ZFPM2: variants seen among roughly 807,000 people sequenced by gnomAD.
The protein encoded by ZFPM2 is zinc finger protein ZFPM2.
In ZFPM2, 20 loss-of-function variants were observed where a neutral mutation model predicts 98.6. The observed-to-expected ratio is 0.20, with a 90% CI of 0.14 to 0.29. The LOEUF is 0.29. Ranked by LOEUF, ZFPM2 falls within the 10% of genes least tolerant of loss-of-function variation. The pLI is 1.00. For synonymous variants in ZFPM2, 518 were observed against 502.7 expected (o/e 1.03, Z -0.41); for missense variants, 1,310 against 1,388.6 (o/e 0.94, Z 0.90).
At chr8:105,735,121 A>G (rs7836294) in intron 5 of ZFPM2, among the ~76,000 whole-genome samples, 8,402 of 147,802 alleles carry the variant, frequency 0.057, 811 homozygotes, top group African/African-American at 0.19. Context: ...AATTATATAT[A>G]TATAATGTAT....
In ZFPM2 at chr8:105,634,249, A is replaced by G; in HGVS notation, c.424A>G (p.Thr142Ala). The G allele has an allele frequency of 6.2e-7, 1 of 1,611,100 alleles. No individual in the cohort carries two copies. The highest frequency in any genetic ancestry group is 8.5e-7 in the Non-Finnish European group (1 of 1,178,560). ...KMDLNNNSLK[T>A]KAQVPMVLTA... ...TTTGTTATCATTCTTTCTACAGAAG[A>G]CAAAGGCTCAGGTCCCAATGGTGCT... The change falls in exon 5 of 8, where the codon ACA becomes GCA. Residue 142 changes from threonine to alanine, a missense_variant. By Grantham distance (58) the Thr-to-Ala change is moderately conservative (BLOSUM62 0). Transcript: ENST00000407775.
chr8:105,523,553 C>T (rs971965277), intron 3 of ZFPM2, among the ~76,000 whole-genome samples: 2 of 152,166 alleles, frequency 1.3e-5, no homozygotes, highest in African/African-American at 2.4e-5. Flanking sequence ...CCTTTTTAGA[C>T]ATCAAGAATC....
chr8:105,765,743 TCTGA>T (rs1281860215), intron 5 of ZFPM2, among the ~76,000 whole-genome samples: 1 of 151,932 alleles, frequency 6.6e-6, no homozygotes, highest in Non-Finnish European at 1.5e-5. Context: ...TTCAAGGTTC[TCTGA>T]CTTACTTCTA....
At chr8:105,753,090 G>A (rs1465418156) in intron 5 of ZFPM2, among the ~76,000 whole-genome samples, 1 of 152,112 alleles carries the variant, frequency 6.6e-6, no homozygotes, top group Non-Finnish European at 1.5e-5. Context: ...CCCAAAGGGG[G>A]CGTGCTCCTC....
At position 105,803,837 on chromosome 8, in the gene ZFPM2, G is replaced by T. The variant is rs1814124073; in HGVS notation, c.*299G>T. The T allele has an allele frequency of 3.1e-6, 1 of 325,342 alleles. No individual in the cohort carries two copies. Among genetic ancestry groups the T allele is most frequent in the Admixed American group, 4.5e-5 (1 of 22,254 alleles). The allele number at this position is 325,342 out of a possible 1,614,324, so 20.2% of individuals were successfully genotyped here. A position where few individuals can be genotyped will look rare whatever the true frequency, so the allele number is the denominator to read the frequency against. ...AATGTTATTGTATAGTTATTGTGTA[G>T]CACATATGGTTTGCACTGTATAGTA... On this transcript the variant is annotated 3_prime_UTR_variant, in exon 8 of 8. Coordinates refer to ENST00000407775, the MANE Select transcript of ZFPM2 (RefSeq NM_012082.4).
intron 4 of ZFPM2, among the ~76,000 whole-genome samples, chr8:105,614,529 C>G (rs1312613973): frequency 6.6e-6 from 1 of 152,076 alleles, no homozygotes; most frequent in Non-Finnish European, 1.5e-5. Flanking sequence ...TACTCTAATG[C>G]ATAATTATAA....
intron 3 of ZFPM2, among the ~76,000 whole-genome samples, chr8:105,549,471 G>T: frequency 6.8e-6 from 1 of 147,586 alleles, no homozygotes; most frequent in Non-Finnish European, 1.5e-5. Context: ...TGTTATTCTT[G>T]GGAAGAAAAG....
At chr8:105,458,569 GC>G (rs1357797460) in intron 3 of ZFPM2, among the ~76,000 whole-genome samples, 2 of 152,110 alleles carry the variant, frequency 1.3e-5, no homozygotes, top group Non-Finnish European at 2.9e-5. Flanking sequence ...GAGACATGTT[GC>G]CACTTACAGA....
Position 105,444,386 on chromosome 8 carries a change from GGGA to G in ZFPM2, c.301+7_301+9del. On this transcript the variant is annotated splice_donor_region_variant and intron_variant, in intron 3 of 7. Transcript: ENST00000407775. ...CAGACGACTGGGATGGACCAGGTAG[GGGA>G]GAATATTTAAAATTCAACCGTCTTT... is the stretch of plus-strand genomic sequence containing the variant. The G allele has an allele frequency of 6.2e-7, 1 of 1,601,966 alleles. No homozygotes were observed. Among genetic ancestry groups the G allele is most frequent in the Non-Finnish European group, 8.5e-7 (1 of 1,173,280 alleles).
In ZFPM2 at chr8:105,422,723, A is replaced by G. The variant is rs1453488892; in HGVS notation, c.199+3421A>G. ...GTTCAGATCAAAAAATGTGGCTAGA[A>G]GGTCTAAGTTCTCCAAACAAGAAAT... On this transcript the variant is annotated intron_variant, in intron 2 of 7. Transcript: ENST00000407775. Among the ~76,000 whole-genome samples the G allele has an allele frequency of 2.0e-5, 3 of 152,178 alleles. No individual in the cohort carries two copies. In the East Asian group the frequency reaches 5.8e-4, roughly 29 times the overall value.
At chr8:105,517,741 A>ACACACACACACACC (rs1479862745) in intron 3 of ZFPM2, among the ~76,000 whole-genome samples, 13 of 141,508 alleles carry the variant, frequency 9.2e-5, no homozygotes, top group African/African-American at 3.1e-4. Flanking sequence ...ACACACACAC[A>ACACACACACACACC]CCCCTAGTTG....
intron 5 of ZFPM2, among the ~76,000 whole-genome samples, chr8:105,712,181 G>C (rs562888363): frequency 2.0e-5 from 3 of 151,702 alleles, no homozygotes; most frequent in Non-Finnish European, 4.4e-5. Context: ...AGGAACAAGT[G>C]ATGGAGAAAG....
At chr8:105,647,378 T>G (rs1187540595) in intron 5 of ZFPM2, among the ~76,000 whole-genome samples, 2 of 152,086 alleles carry the variant, frequency 1.3e-5, no homozygotes, top group Admixed American at 6.6e-5. Context: ...TTTGCTCTTT[T>G]TTTTTCTTTT....
At chr8:105,731,318 T>A (rs1811931751) in intron 5 of ZFPM2, among the ~76,000 whole-genome samples, 1 of 151,492 alleles carries the variant, frequency 6.6e-6, no homozygotes, top group African/African-American at 2.4e-5. Context: ...CTATACAGTT[T>A]CCTCTGCTTG....
chr8:105,734,728 C>T (rs1812028766), intron 5 of ZFPM2, among the ~76,000 whole-genome samples: 1 of 151,886 alleles, frequency 6.6e-6, no homozygotes, highest in African/African-American at 2.4e-5. Context: ...TGTTGAGCCT[C>T]CTATTCCAAT....
At chr8:105,427,222 T>C (rs1258567567) in intron 2 of ZFPM2, among the ~76,000 whole-genome samples, 1 of 152,298 alleles carries the variant, frequency 6.6e-6, no homozygotes, top group Non-Finnish European at 1.5e-5. Flanking sequence ...CATGACTCAG[T>C]ATTCTATGTA....
chr8:105,778,608 A>T (rs1256326472), intron 5 of ZFPM2, among the ~76,000 whole-genome samples: 1 of 152,140 alleles, frequency 6.6e-6, no homozygotes, highest in East Asian at 1.9e-4. Context: ...TTCACAGGCC[A>T]ATGTGTAATC....
At chr8:105,472,310 T>C (rs539433666) in intron 3 of ZFPM2, among the ~76,000 whole-genome samples, 1 of 152,222 alleles carries the variant, frequency 6.6e-6, no homozygotes, top group Non-Finnish European at 1.5e-5. Context: ...ATGAATTCAC[T>C]GCTTCATCCA....
chr8:105,323,477 C>T (rs913106043), intron 1 of ZFPM2, among the ~76,000 whole-genome samples: 12 of 151,720 alleles, frequency 7.9e-5, no homozygotes, highest in African/African-American at 1.5e-4. Context: ...TATTTTTACA[C>T]GTGCCACAAA....
Sources: gnomAD v4.1 joint callset for allele counts (sites outside exome capture counted in the v4.1 genomes callset) on GRCh38, gnomAD v4.1.1 for gene constraint, MANE v1.5 for transcripts, NCBI Gene and HGNC (gene_info 2026-07-23, HGNC 2026-07-21) for gene names.